Variants in VSIG10L observed in about 807,000 individuals in gnomAD.
VSIG10L encodes the protein V-set and immunoglobulin domain containing 10 like, also known as V-set and immunoglobulin domain-containing protein 10-like.
VSIG10L carries 63 observed loss-of-function variants against 67.3 expected under a neutral mutation model. The ratio of observed to expected loss-of-function variants is 0.94; its 90% CI spans 0.76 to 1.15. The LOEUF (loss-of-function observed/expected upper bound fraction) is 1.15, where lower values mean the gene tolerates loss of function less well. VSIG10L is among the 50% of genes most tolerant of loss of function. VSIG10L has a pLI of 0.00. For missense variants in VSIG10L, 1,050 were observed against 1,177.5 expected (o/e 0.89, Z 1.58); for synonymous variants, 499 against 524.9 (o/e 0.95, Z 0.67).
chr19:51,341,183 G>C lies in VSIG10L; in HGVS notation c.865C>G (p.Gln289Glu), dbSNP rs779136971. Residue 289 changes from glutamine (Q) to glutamate (E), a missense_variant, in exon 2 of 10, where the codon CAG becomes GAG. This residue lies in a region of VSIG10L where 511 missense variants were observed against 557.9 expected (regional missense o/e 0.92). Coordinates refer to ENST00000335624, the MANE Select transcript of VSIG10L (RefSeq NM_001163922.3). ...ACACCCACCGTGAACTCGTGAGTCT[G>C]CTGGGAGACCCCTGCCCGGATGACC... is the stretch of plus-strand genomic sequence containing the variant. ...AEVIRAGVSQ[Q>E]THEFTVGVYE... 52 of 1,536,358 alleles carry C rather than the reference G, an allele frequency of 3.4e-5. No individual in the cohort carries two copies. The highest frequency in any genetic ancestry group is 1.7e-4 in the Middle Eastern group (1 of 5,902).
In VSIG10L at chr19:51,340,347, C is replaced by T. The variant is rs1985601380; in HGVS notation, c.1190-48G>A. On this transcript the variant is annotated intron_variant, in intron 3 of 9. Coordinates refer to ENST00000335624, the MANE Select transcript of VSIG10L (RefSeq NM_001163922.3). The surrounding 1 kb of genome is among the most constrained non-coding windows in gnomAD (Gnocchi z 6.3). ...CCGCGAGTGTCAGGGTCACCTGGGA[C>T]GCCGCTAGGACTCCCGGAGACTGGG... 1.4e-6 allele frequency: 2 copies of T among 1,473,276 alleles called. No homozygotes were observed. The highest frequency in any genetic ancestry group is 1.8e-6 in the Non-Finnish European group (2 of 1,113,602). 91.3% of individuals were successfully genotyped at this position (1,473,276 alleles called of 1,614,324 possible). A position where few individuals can be genotyped will look rare whatever the true frequency, so the allele number is the denominator to read the frequency against.
rs760564636 is a variant in VSIG10L at position 51,341,215 on chromosome 19, G to A, written c.833C>T (p.Thr278Met). 1.2e-4 allele frequency: 189 copies of A among 1,550,532 alleles called. No individual in the cohort carries two copies. The highest frequency in any genetic ancestry group is 1.6e-4 in the Non-Finnish European group (178 of 1,146,706). The change falls in exon 2 of 10, where the codon ACG becomes ATG. Residue 278 changes from threonine to methionine, a missense_variant. This residue lies in a region of VSIG10L where 511 missense variants were observed against 557.9 expected (regional missense o/e 0.92). Transcript: ENST00000335624. ...SAQLDDAGVYTAEVIRAGVSQ... is the reference protein window; with the variant it reads ...SAQLDDAGVYMAEVIRAGVSQ... ...GACCCCTGCCCGGATGACCTCAGCC[G>A]TGTAGACCCCTGCATCGTCCAGCTG...
In VSIG10L at chr19:51,334,223, A is replaced by AGGAGAAGTAC; in HGVS notation, c.2377_2386dup (p.Leu796ArgfsTer19). 6.4e-7 allele frequency: 1 copy of AGGAGAAGTAC among 1,551,830 alleles called. No individual in the cohort carries two copies. Among genetic ancestry groups the AGGAGAAGTAC allele is most frequent in the South Asian group, 1.2e-5 (1 of 84,062 alleles). On this transcript the variant is annotated frameshift_variant, in exon 8 of 10. Transcript: ENST00000335624. LOFTEE classifies it high-confidence loss of function. ...GCGGCACAGGCAGCAGATGCAAAGG[A>AGGAGAAGTAC]GGAGAAGTACGGCTAGCAGCGCCAG...
intron 5 of VSIG10L, 26 bp downstream of exon 5, chr19:51,338,862 A>G (rs935534789): frequency 2.2e-6 from 3 of 1,361,396 alleles, no homozygotes; most frequent in African/African-American, 3.1e-5. Flanking sequence ...CTCGAGAAAC[A>G]GCAAAAAAGC....
At position 51,337,272 on chromosome 19, in the gene VSIG10L, T is replaced by C. The variant is rs1985504925; in HGVS notation, c.2271A>G (p.Pro757=). 6.4e-7 allele frequency: 1 copy of C among 1,550,742 alleles called. No individual in the cohort carries two copies. The highest frequency in any genetic ancestry group is 1.4e-5 in the African/African-American group (1 of 73,144). ...FRILPILGGQ[P]GTPSQSRVYR... is the part of the protein sequence containing the mutation. The stretch of plus-strand genomic sequence containing the variant: ...AGACCCGGCTTTGTGATGGAGTCCC[T>C]GGCTGGCCCCCCAGGATGGGCAGGA... The change falls in exon 7 of 10, where the codon CCA becomes CCG. Residue 757 remains proline, a synonymous_variant. Coordinates refer to ENST00000335624, the MANE Select transcript of VSIG10L (RefSeq NM_001163922.3).
Position 51,337,244 on chromosome 19 carries a change from G to C in VSIG10L, c.2299C>G (p.Arg767Gly), listed in dbSNP as rs898235332. 2 of 1,546,494 alleles carry C rather than the reference G, an allele frequency of 1.3e-6. No individual in the cohort carries two copies. The highest frequency in any genetic ancestry group is 4.9e-5 in the East Asian group (2 of 40,810). ...PGTPSQSRVY[R>G]AGPTLSHGAI... The stretch of plus-strand genomic sequence containing the variant: ...TCTGACAGCCCCAACTCACCGGCCC[G>C]GTAGACCCGGCTTTGTGATGGAGTC... Residue 767 changes from arginine to glycine, a missense_variant, in exon 7 of 10, where the codon CGG becomes GGG. Arg to Gly is a moderately radical substitution (Grantham distance 125). Transcript: ENST00000335624.
chr19:51,332,464 AC>A lies in VSIG10L; in HGVS notation c.*146del. On this transcript the variant is annotated 3_prime_UTR_variant, in exon 10 of 10. Coordinates refer to ENST00000335624, the MANE Select transcript of VSIG10L (RefSeq NM_001163922.3). ...GCAAGAGAGGGAGACAGAAAGTCCC[AC>A]TTTCAGGGTCCAACCCTCAGTCATA... 1 of 905,928 alleles carries A rather than the reference AC, an allele frequency of 1.1e-6. No individual in the cohort carries two copies. The highest frequency in any genetic ancestry group is 1.6e-5 in the African/African-American group (1 of 60,718). The allele number at this position is 905,928 out of a possible 1,614,324, so 56.1% of individuals were successfully genotyped here.
In VSIG10L at chr19:51,337,301, G is replaced by T. The variant is rs1018134824; in HGVS notation, c.2242C>A (p.Arg748=). 4 of 1,551,526 alleles carry T rather than the reference G, an allele frequency of 2.6e-6. No individual in the cohort carries two copies. Among genetic ancestry groups the T allele is most frequent in the Non-Finnish European group, 3.5e-6 (4 of 1,146,882 alleles). Residue 748 remains arginine (R), a synonymous_variant, in exon 7 of 10, where the codon CGG becomes AGG. Transcript: ENST00000335624. ...PPRNPGTWTF[R]ILPILGGQPG... is the part of the protein sequence containing the mutation. ...TGGCCCCCCAGGATGGGCAGGATCC[G>T]AAAGGTCCAGGTCCCTGGGTTCCGA...
At position 51,341,345 on chromosome 19, in the gene VSIG10L, C is replaced by G; in HGVS notation, c.703G>C (p.Ala235Pro). 6.5e-7 allele frequency: 1 copy of G among 1,541,166 alleles called. No homozygotes were observed. Among genetic ancestry groups the G allele is most frequent in the Non-Finnish European group, 8.7e-7 (1 of 1,146,070 alleles). ...GGTGCCCCTGGCCCCAGGCCCCCAGCTGCCAGCACCTTTGAGCCCCGGCGC... is the reference window on the plus strand; with the variant it reads ...GGTGCCCCTGGCCCCAGGCCCCCAGGTGCCAGCACCTTTGAGCCCCGGCGC... ...VWRRGSKVLA[A>P]GGLGPGAPLI... Residue 235 changes from alanine to proline, a missense_variant, in exon 2 of 10, where the codon GCT (alanine) becomes CCT (proline). Around this residue, in one of 3 missense-constraint regions of VSIG10L, gnomAD observed 511 missense variants for 557.9 expected, o/e 0.92. Transcript: ENST00000335624.
Position 51,340,685 on chromosome 19 carries a change from T to C in VSIG10L, c.937A>G (p.Thr313Ala). 1 of 1,524,544 alleles carries C rather than the reference T, an allele frequency of 6.6e-7. No homozygotes were observed. The highest frequency in any genetic ancestry group is 8.8e-7 in the Non-Finnish European group (1 of 1,140,694). The allele number at this position is 1,524,544 out of a possible 1,614,324, so 94.4% of individuals were successfully genotyped here. A position where few individuals can be genotyped will look rare whatever the true frequency, so the allele number is the denominator to read the frequency against. The change falls in exon 3 of 10, where the codon ACA becomes GCA. Residue 313 changes from threonine to alanine, a missense_variant. This residue lies in a region of VSIG10L where 511 missense variants were observed against 557.9 expected (regional missense o/e 0.92). Coordinates refer to ENST00000335624, the MANE Select transcript of VSIG10L (RefSeq NM_001163922.3). This position sits in a 1 kb window ranked among gnomAD's most constrained non-coding sequence, Gnocchi z 6.3. The part of the protein sequence containing the change: ...QLSVQPKAPE[T>A]EEGAAELRLR... ...CGGAGCTCGGCCGCCCCCTCCTCTG[T>C]CTCTGGAGCCTTGGGCTGAACCGAC...
intron 5 of VSIG10L, 137 bp downstream of exon 5, chr19:51,338,751 C>G: frequency 2.8e-6 from 3 of 1,078,044 alleles, no homozygotes; most frequent in Non-Finnish European, 3.6e-6. Context: ...TGTCCCTTTT[C>G]TAGTTTGAAG....
chr19:51,341,554 G>A lies in VSIG10L; in HGVS notation c.494C>T (p.Pro165Leu), dbSNP rs550590410. 7.1e-5 allele frequency: 110 copies of A among 1,551,752 alleles called. No individual in the cohort carries two copies. The highest frequency in any genetic ancestry group is 1.7e-4 in the Middle Eastern group (1 of 5,992). ...AGAGAGTTTAAGATCCATATCATCC[G>A]GGGAGAATTTTGAATCTGGGGCCTC... ...SVEAPDSKFS[P>L]DDMDLKLSAQ... Residue 165 changes from proline (P) to leucine (L), a missense_variant, in exon 2 of 10, where the codon CCG becomes CTG. Transcript: ENST00000335624.
At position 51,338,871 on chromosome 19, in the gene VSIG10L, G is replaced by C. The variant is rs1162982790; in HGVS notation, c.1729+17C>G. On this transcript the variant is annotated intron_variant, in intron 5 of 9. Transcript: ENST00000335624. ...CTCCTCCTCGAGAAACAGCAAAAAA[G>C]CCCCGCGCCCTCTCACCCGGCGTGA... 1 of 1,362,276 alleles carries C rather than the reference G, an allele frequency of 7.3e-7. No individual in the cohort carries two copies. Among genetic ancestry groups the C allele is most frequent in the African/African-American group, 1.5e-5 (1 of 65,130 alleles). 84.4% of individuals were successfully genotyped at this position (1,362,276 alleles called of 1,614,324 possible).
In VSIG10L at chr19:51,341,479, C is replaced by G; in HGVS notation, c.569G>C (p.Ser190Thr). Residue 190 changes from serine (S) to threonine (T), a missense_variant, in exon 2 of 10, where the codon AGC becomes ACC. Physicochemically the swap from Ser to Thr is moderately conservative, Grantham distance 58. Around this residue, in one of 3 missense-constraint regions of VSIG10L, gnomAD observed 511 missense variants for 557.9 expected, o/e 0.92. Coordinates refer to ENST00000335624, the MANE Select transcript of VSIG10L (RefSeq NM_001163922.3). ...TGGGCCCCCCACCTGCTGGGGAAAG[C>G]TTGCAGCTGAGTGGGTCTCTGCAGA... is the stretch of plus-strand genomic sequence containing the variant. Reference protein sequence around the residue: ...KFSAETHSAASFPQQVGGPLA... With the variant: ...KFSAETHSAATFPQQVGGPLA... 6.5e-7 allele frequency: 1 copy of G among 1,548,138 alleles called. No individual in the cohort carries two copies. Among genetic ancestry groups the G allele is most frequent in the Non-Finnish European group, 8.7e-7 (1 of 1,145,142 alleles).
At position 51,338,165 on chromosome 19, in the gene VSIG10L, T is replaced by C. The variant is rs974679296; in HGVS notation, c.1773A>G (p.Thr591=). ...EVLLHPLVAE[T]RLGEAEVALE... ...GTGCCACCTCTGCCTCCCCCAACCG[T>C]GTCTCTGCCACCAGCGGATGCAGCA... Residue 591 remains threonine (T), a synonymous_variant, in exon 6 of 10, where the codon ACA becomes ACG. Transcript: ENST00000335624. 6.6e-7 allele frequency: 1 copy of C among 1,510,298 alleles called. No homozygotes were observed. The highest frequency in any genetic ancestry group is 2.5e-5 in the East Asian group (1 of 40,420). The allele number at this position is 1,510,298 out of a possible 1,614,324, so 93.6% of individuals were successfully genotyped here.
Position 51,334,213 on chromosome 19 carries a change from G to T in VSIG10L, c.2397C>A (p.Ile799=). ...ALLAVLLLLC[I]CCLCRFRGKT... ...CACCACGAAAGCGGCACAGGCAGCA[G>T]ATGCAAAGGAGGAGAAGTACGGCTA... is the stretch of plus-strand genomic sequence containing the variant. The change falls in exon 8 of 10, where the codon ATC becomes ATA. Residue 799 remains isoleucine (I), a synonymous_variant. Transcript: ENST00000335624. The T allele has an allele frequency of 6.4e-7, 1 of 1,551,856 alleles. No homozygotes were observed. The highest frequency in any genetic ancestry group is 8.7e-7 in the Non-Finnish European group (1 of 1,147,018).
Position 51,341,636 on chromosome 19 carries a change from C to A in VSIG10L, c.412G>T (p.Val138Phe), listed in dbSNP as rs1405907471. The A allele has an allele frequency of 1.9e-6, 3 of 1,551,564 alleles. No homozygotes were observed. The highest frequency in any genetic ancestry group is 2.6e-6 in the Non-Finnish European group (3 of 1,146,992). Reference protein sequence around the residue: ...PAKDPKPSFTVKTPASNISTQ... With the variant: ...PAKDPKPSFTFKTPASNISTQ... ...GAAATGTTTGAAGCTGGGGTCTTAA[C>A]AGTGAAGGAAGGCTTGGGGTCTTTG... Residue 138 changes from valine to phenylalanine, a missense_variant, in exon 2 of 10, where the codon GTT becomes TTT. Coordinates refer to ENST00000335624, the MANE Select transcript of VSIG10L (RefSeq NM_001163922.3).
chr19:51,332,642 T>C lies in VSIG10L; in HGVS notation c.2575-2A>G. ...AGACAACTGAACTGGGGTCTGTGCC[T>C]GGAAGAGAGAGGTGGGGTGAGGGGA... On this transcript the variant is annotated splice_acceptor_variant, in intron 9 of 9. Coordinates refer to ENST00000335624, the MANE Select transcript of VSIG10L (RefSeq NM_001163922.3). LOFTEE classifies it high-confidence loss of function. 1 of 1,539,242 alleles carries C rather than the reference T, an allele frequency of 6.5e-7. No homozygotes were observed. Among genetic ancestry groups the C allele is most frequent in the Non-Finnish European group, 8.8e-7 (1 of 1,138,574 alleles).
chr19:51,332,005 T>C lies in VSIG10L; in HGVS notation c.*606A>G, dbSNP rs1478144776. ...CAAACTCTAGGGGCAAAATAAATTGTGGCTGAGAGACAGACTGTGATACTG... is the reference window on the plus strand; with the variant it reads ...CAAACTCTAGGGGCAAAATAAATTGCGGCTGAGAGACAGACTGTGATACTG... On this transcript the variant is annotated 3_prime_UTR_variant, in exon 10 of 10. Transcript: ENST00000335624. 1.3e-5 allele frequency: 2 copies of C among 154,898 alleles called. No individual in the cohort carries two copies. The highest frequency in any genetic ancestry group is 2.9e-5 in the Non-Finnish European group (2 of 69,804). The allele number at this position is 154,898 out of a possible 1,614,324, so 9.6% of individuals were successfully genotyped here.
Sources: allele counts gnomAD v4.1 joint callset, GRCh38; gene constraint gnomAD v4.1.1; regional missense constraint gnomAD v4.1.1; non-coding constraint Gnocchi (gnomAD v3.1); transcripts MANE v1.5; gene names NCBI Gene and HGNC (gene_info 2026-07-23, HGNC 2026-07-21).